The following ANKMY2 variants were observed in gnomAD, a reference collection of about 807,000 sequenced individuals.
The protein encoded by ANKMY2 is ankyrin repeat and MYND domain containing 2.
A neutral mutation model predicts 50.4 loss-of-function variants in ANKMY2; 36 were observed. The observed-to-expected ratio is 0.71, with a 90% CI of 0.55 to 0.94. ANKMY2 has a LOEUF of 0.94. ANKMY2 is among the 40% of genes least tolerant of loss of function. ANKMY2 has a pLI of 0.00. For missense variants in ANKMY2, 565 were observed against 524.0 expected (o/e 1.08, Z -0.76); for synonymous variants, 187 against 178.8 (o/e 1.05, Z -0.36).
At chr7:16,640,865 G>A (rs900015963) in intron 1 of ANKMY2, among the ~76,000 whole-genome samples, 4 of 152,068 alleles carry the variant, frequency 2.6e-5, no homozygotes, top group Middle Eastern at 3.4e-3. Flanking sequence ...CCACGAAAAC[G>A]GATATTTTAA....
At chr7:16,602,608 T>C (rs376547241) in intron 8 of ANKMY2, 99 bp from the exon 9 acceptor site, 1 of 1,406,638 alleles carries the variant, frequency 7.1e-7, no homozygotes, top group Non-Finnish European at 9.6e-7. Context: ...AATGTCATTT[T>C]CCATACTTTA....
intron 4 of ANKMY2, among the ~76,000 whole-genome samples, chr7:16,618,710 C>G (rs1331292931): frequency 2.0e-5 from 3 of 152,246 alleles, no homozygotes; most frequent in African/African-American, 7.2e-5. Context: ...ATCACCTCTC[C>G]TTCCAGAATC....
chr7:16,602,344 T>G (rs779916461), intron 9 of ANKMY2, 36 bp downstream of exon 9: 1 of 1,602,050 alleles, frequency 6.2e-7, no homozygotes, highest in South Asian at 1.1e-5. Flanking sequence ...CTCTCTCCAC[T>G]AAAAAGCAGA....
At chr7:16,624,347 C>A (rs1194333948) in intron 4 of ANKMY2, among the ~76,000 whole-genome samples, 1 of 152,164 alleles carries the variant, frequency 6.6e-6, no homozygotes, top group African/African-American at 2.4e-5. Context: ...CCACTCTTTC[C>A]TTACATTATG....
intron 8 of ANKMY2, among the ~76,000 whole-genome samples, chr7:16,603,181 C>T (rs1781099348): frequency 6.6e-6 from 1 of 152,138 alleles, no homozygotes; most frequent in South Asian, 2.1e-4. Context: ...CCGCTATGTG[C>T]CAGAATTGGT....
At chr7:16,631,866 C>T (rs566404150) in intron 2 of ANKMY2, among the ~76,000 whole-genome samples, 12 of 152,212 alleles carry the variant, frequency 7.9e-5, no homozygotes, top group African/African-American at 2.4e-4. Flanking sequence ...CCAACCGCCT[C>T]GGCCTCCCAA....
chr7:16,639,813 C>A (rs1295815521), intron 1 of ANKMY2, among the ~76,000 whole-genome samples: 1 of 152,084 alleles, frequency 6.6e-6, no homozygotes, highest in East Asian at 1.9e-4. Context: ...TGTTACTGCT[C>A]TCTCTTCTAC....
intron 8 of ANKMY2, among the ~76,000 whole-genome samples, chr7:16,604,352 T>C (rs999326692): frequency 1.3e-5 from 2 of 152,202 alleles, no homozygotes; most frequent in Admixed American, 6.5e-5. Flanking sequence ...ATCAGAAGAG[T>C]AAAGAATGTA....
chr7:16,631,574 T>C (rs1661017009), intron 2 of ANKMY2, among the ~76,000 whole-genome samples: 2 of 152,104 alleles, frequency 1.3e-5, no homozygotes, highest in Non-Finnish European at 2.9e-5. Context: ...CAAATTTTCC[T>C]TAATTATTGA....
At chr7:16,636,825 T>C (rs901830313) in intron 1 of ANKMY2, among the ~76,000 whole-genome samples, 2 of 152,232 alleles carry the variant, frequency 1.3e-5, no homozygotes, top group South Asian at 2.1e-4. Flanking sequence ...TTCCAGTCAA[T>C]GTAATACTTG....
chr7:16,645,682 ACT>A lies in ANKMY2; in HGVS notation c.-111_-110del. On this transcript the variant is annotated 5_prime_UTR_variant, in exon 1 of 10. Transcript: ENST00000306999. ...CAATGAGGCAACTTGAGACCAAGAC[ACT>A]GAGTAGCCAACCGCGGAAACGCTTC... 8.3e-7 allele frequency: 1 copy of A among 1,211,150 alleles called. No individual in the cohort carries two copies. Among genetic ancestry groups the A allele is most frequent in the Non-Finnish European group, 1.1e-6 (1 of 876,222 alleles). 75.0% of individuals were successfully genotyped at this position (1,211,150 alleles called of 1,614,324 possible).
rs375233283 is a variant in ANKMY2 at position 16,602,918 on chromosome 7, C to A, written c.1012-409G>T. ...CACCTTCCACCATAATTGAAGGCTT[C>A]CTGAGACCTCACCAGAAGCTGAGCA... On this transcript the variant is annotated intron_variant, in intron 8 of 9. Transcript: ENST00000306999. Among the ~76,000 whole-genome samples, 15 of 152,308 alleles carry A rather than the reference C, an allele frequency of 9.8e-5. No individual in the cohort carries two copies. The East Asian group carries it at 2.9e-3, about 29-fold the overall frequency.
chr7:16,641,182 C>A (rs1324692338), intron 1 of ANKMY2, among the ~76,000 whole-genome samples: 2 of 151,984 alleles, frequency 1.3e-5, no homozygotes, highest in Non-Finnish European at 2.9e-5. Context: ...TGCAGTGAGC[C>A]GAGAGCGCAC....
At chr7:16,626,125 C>T (rs1327414256) in intron 3 of ANKMY2, among the ~76,000 whole-genome samples, 1 of 151,716 alleles carries the variant, frequency 6.6e-6, no homozygotes, top group Non-Finnish European at 1.5e-5. Flanking sequence ...GCACCACAGA[C>T]GTGCGCCACT....
chr7:16,610,931 T>G (rs1781240772), intron 5 of ANKMY2, among the ~76,000 whole-genome samples, 168 bp from the exon 6 acceptor site: 2 of 152,208 alleles, frequency 1.3e-5, no homozygotes, highest in Admixed American at 1.3e-4. Context: ...CTTATAGAAC[T>G]AATATAGAAA....
rs901662045 is a variant in ANKMY2 at position 16,604,645 on chromosome 7, G to A, written c.1011+76C>T. The A allele has an allele frequency of 3.1e-5, 47 of 1,521,452 alleles. No homozygotes were observed. The African/African-American group carries it at 6.1e-4, about 20-fold the overall frequency. The allele number at this position is 1,521,452 out of a possible 1,614,324, so 94.2% of individuals were successfully genotyped here. A position where few individuals can be genotyped will look rare whatever the true frequency, so the allele number is the denominator to read the frequency against. On this transcript the variant is annotated intron_variant, in intron 8 of 9. Coordinates refer to ENST00000306999, the MANE Select transcript of ANKMY2 (RefSeq NM_020319.3). ...TAGAAAACTAATGTCCACTCTTACA[G>A]AATATTAAAACTCAATCATCAGCTT...
At chr7:16,616,371 C>A (rs1025268367) in intron 4 of ANKMY2, among the ~76,000 whole-genome samples, 3 of 152,096 alleles carry the variant, frequency 2.0e-5, no homozygotes, top group Admixed American at 6.6e-5. Flanking sequence ...CCCTTATCCC[C>A]TACCCCCTAA....
intron 5 of ANKMY2, among the ~76,000 whole-genome samples, chr7:16,613,795 G>T (rs1287992110): frequency 6.6e-6 from 1 of 151,830 alleles, no homozygotes; most frequent in Non-Finnish European, 1.5e-5. Context: ...AATTAGCCAG[G>T]CGTGGTGGTG....
chr7:16,633,518 T>C (rs886546435), intron 2 of ANKMY2, among the ~76,000 whole-genome samples: 1 of 152,146 alleles, frequency 6.6e-6, no homozygotes, highest in African/African-American at 2.4e-5. Context: ...TTTTTATTCC[T>C]ATATCTTCAT....
Sources: allele counts gnomAD v4.1 joint callset (sites outside exome capture counted in the v4.1 genomes callset), GRCh38; gene constraint gnomAD v4.1.1; transcripts MANE v1.5; gene names NCBI Gene and HGNC (gene_info 2026-07-23, HGNC 2026-07-21).